Variants in GRIK4 observed in about 807,000 individuals in gnomAD.
The protein encoded by GRIK4 is glutamate receptor ionotropic, kainate 4.
Under a neutral mutation model 104.9 loss-of-function variants are expected in GRIK4, and 40 were observed. The observed-to-expected ratio is 0.38, with a 90% CI of 0.30 to 0.50. The LOEUF (loss-of-function observed/expected upper bound fraction) is 0.50. Ranked by LOEUF, GRIK4 falls within the 20% of genes least tolerant of loss-of-function variation. The probability of loss-of-function intolerance (pLI) is 0.93; values close to 1 mark genes in which losing one functional copy is unlikely to be tolerated. For missense variants in GRIK4, 1,047 were observed against 1,308.1 expected (o/e 0.80, Z 3.08); for synonymous variants, 485 against 524.9 (o/e 0.92, Z 1.04).
At chr11:120,581,535 A>G (rs1312008680) in intron 1 of GRIK4, among the ~76,000 whole-genome samples, 1 of 152,140 alleles carries the variant, frequency 6.6e-6, no homozygotes, top group Non-Finnish European at 1.5e-5. Flanking sequence ...GCAAAACTGA[A>G]ACTCTGTACC....
At chr11:120,679,310 T>G (rs1007579561) in intron 3 of GRIK4, among the ~76,000 whole-genome samples, 3 of 152,182 alleles carry the variant, frequency 2.0e-5, no homozygotes, top group African/African-American at 7.2e-5. Flanking sequence ...GTCAGTGCCC[T>G]TCTTCTCTTT....
In GRIK4 at chr11:120,986,190, G is replaced by A. The variant is rs768129356; in HGVS notation, c.2801G>A (p.Arg934Gln). The change falls in exon 21 of 21, where the codon CGG becomes CAG. Residue 934 changes from arginine to glutamine, a missense_variant. By Grantham distance (43) the Arg-to-Gln change is conservative. This residue lies in a region of GRIK4 where 160 missense variants were observed against 140.9 expected (regional missense o/e 1.14). Coordinates refer to ENST00000527524, the MANE Select transcript of GRIK4 (RefSeq NM_014619.5). ...ECRRFQGLRA[R>Q]PSPARSEESL... Reference sequence around the variant, plus strand: ...CGCCGCTTCCAGGGCCTGCGGGCACGGCCGTCGCCCGCCCGCAGCGAGGAG... The same window carrying A: ...CGCCGCTTCCAGGGCCTGCGGGCACAGCCGTCGCCCGCCCGCAGCGAGGAG... 3 of 1,564,334 alleles carry A rather than the reference G, an allele frequency of 1.9e-6. No homozygotes were observed. The highest frequency in any genetic ancestry group is 1.4e-5 in the African/African-American group (1 of 71,480).
At chr11:120,710,997 T>TCGGGGGGG (rs1555046760) in intron 3 of GRIK4, among the ~76,000 whole-genome samples, 1 of 124,864 alleles carries the variant, frequency 8.0e-6, no homozygotes. Context: ...CCCTGTGAGG[T>TCGGGGGGG]GGGGAGGGGG....
At chr11:120,710,124 C>T (rs369427334) in intron 3 of GRIK4, among the ~76,000 whole-genome samples, 4 of 152,260 alleles carry the variant, frequency 2.6e-5, no homozygotes, top group South Asian at 2.1e-4. Flanking sequence ...ACTGACACCA[C>T]GTCAGATCTT....
intron 11 of GRIK4, among the ~76,000 whole-genome samples, chr11:120,891,685 C>T (rs564441844): frequency 6.6e-6 from 1 of 152,244 alleles, no homozygotes; most frequent in South Asian, 2.1e-4. Flanking sequence ...TCCCTACTCT[C>T]ATGAAGCTTA....
chr11:120,772,432 G>C (rs2135458675), intron 3 of GRIK4, among the ~76,000 whole-genome samples: 1 of 152,274 alleles, frequency 6.6e-6, no homozygotes, highest in Non-Finnish European at 1.5e-5. Flanking sequence ...CTGCATGCTA[G>C]GCTCTGTAGT....
intron 3 of GRIK4, among the ~76,000 whole-genome samples, chr11:120,683,526 G>A (rs931010199): frequency 1.3e-5 from 2 of 152,120 alleles, no homozygotes; most frequent in East Asian, 1.9e-4. Context: ...CCCAGGTGGC[G>A]ACATAAATGG....
intron 3 of GRIK4, among the ~76,000 whole-genome samples, chr11:120,734,512 G>A (rs1951190070): frequency 6.6e-6 from 1 of 152,090 alleles, no homozygotes; most frequent in South Asian, 2.1e-4. Context: ...TAAATGTCTT[G>A]AGGTAGTCTG....
intron 1 of GRIK4, among the ~76,000 whole-genome samples, chr11:120,648,221 CTT>C (rs966435667): frequency 3.3e-5 from 5 of 152,212 alleles, no homozygotes; most frequent in African/African-American, 7.2e-5. Context: ...ACTAGCCTGA[CTT>C]TGCCTGTGGT....
At chr11:120,643,831 A>G (rs1292555832) in intron 1 of GRIK4, among the ~76,000 whole-genome samples, 1 of 152,154 alleles carries the variant, frequency 6.6e-6, no homozygotes, top group African/African-American at 2.4e-5. Context: ...GTTCTAGTGC[A>G]TCCCTTACCC....
chr11:120,921,065 A>G (rs1445029120), intron 13 of GRIK4, among the ~76,000 whole-genome samples: 1 of 152,114 alleles, frequency 6.6e-6, no homozygotes, highest in African/African-American at 2.4e-5. Context: ...ATCTCTGTCT[A>G]AGCCTGGCGT....
chr11:120,883,832 G>A (rs1955038972), intron 11 of GRIK4, among the ~76,000 whole-genome samples: 1 of 152,222 alleles, frequency 6.6e-6, no homozygotes, highest in South Asian at 2.1e-4. Flanking sequence ...TCAGTCTGGG[G>A]AAGTTTGCCA....
intron 3 of GRIK4, among the ~76,000 whole-genome samples, chr11:120,796,676 A>G (rs982481445): frequency 7.2e-5 from 11 of 152,130 alleles, no homozygotes; most frequent in African/African-American, 2.7e-4. Flanking sequence ...AGGACTGTAC[A>G]TGGAGGCTCT....
chr11:120,572,874 G>T (rs1486938770), intron 1 of GRIK4, among the ~76,000 whole-genome samples: 1 of 152,058 alleles, frequency 6.6e-6, no homozygotes, highest in Non-Finnish European at 1.5e-5. Flanking sequence ...CCCAACTAAG[G>T]CCATTAAATA....
intron 1 of GRIK4, among the ~76,000 whole-genome samples, chr11:120,584,247 C>T (rs1948627284): frequency 6.6e-6 from 1 of 152,152 alleles, no homozygotes; most frequent in African/African-American, 2.4e-5. Flanking sequence ...GCTTTTGCTC[C>T]ATTCAGTATT....
At chr11:120,877,812 T>C (rs1954859860) in intron 11 of GRIK4, among the ~76,000 whole-genome samples, 1 of 152,194 alleles carries the variant, frequency 6.6e-6, no homozygotes, top group South Asian at 2.1e-4. Context: ...ACAGAAAGCC[T>C]GATCCCAGAC....
intron 3 of GRIK4, among the ~76,000 whole-genome samples, chr11:120,799,917 G>A (rs539060735): frequency 1.5e-4 from 23 of 152,116 alleles, no homozygotes; most frequent in African/African-American, 5.3e-4. Context: ...GCATGACCTC[G>A]GCTCACTGCA....
intron 3 of GRIK4, among the ~76,000 whole-genome samples, chr11:120,740,469 A>C (rs995320442): frequency 6.6e-6 from 1 of 152,136 alleles, no homozygotes; most frequent in Non-Finnish European, 1.5e-5. Context: ...CATTACCCAG[A>C]GCTGTCCCGT....
chr11:120,926,532 T>A (rs1943349410), intron 13 of GRIK4, among the ~76,000 whole-genome samples: 1 of 152,312 alleles, frequency 6.6e-6, no homozygotes, highest in South Asian at 2.1e-4. Context: ...ACAAAGAGGT[T>A]AAGTAACTGG....
Sources: allele counts gnomAD v4.1 joint callset (sites outside exome capture counted in the v4.1 genomes callset), GRCh38; gene constraint gnomAD v4.1.1; regional missense constraint gnomAD v4.1.1; transcripts MANE v1.5; gene names NCBI Gene and HGNC (gene_info 2026-07-23, HGNC 2026-07-21).